Variants in ANKRD13B observed in about 807,000 individuals in gnomAD.
The protein encoded by ANKRD13B is ankyrin repeat domain 13B, also known as ankyrin repeat domain-containing protein 13B.
Under a neutral mutation model 74.4 loss-of-function variants are expected in ANKRD13B, and 33 were observed. The observed-to-expected ratio is 0.44, with a 90% CI of 0.34 to 0.59. ANKRD13B has a LOEUF of 0.59. ANKRD13B is among the 20% of genes least tolerant of loss of function. The probability of loss-of-function intolerance (pLI) is 0.02; values close to 1 mark genes in which losing one functional copy is unlikely to be tolerated. For missense variants in ANKRD13B, 676 were observed against 877.9 expected (o/e 0.77, Z 2.91); for synonymous variants, 341 against 362.9 (o/e 0.94, Z 0.68).
intron 1 of ANKRD13B, among the ~76,000 whole-genome samples, chr17:29,597,744 G>A (rs1291882746): frequency 6.6e-6 from 1 of 152,178 alleles, no homozygotes; most frequent in Non-Finnish European, 1.5e-5. Flanking sequence ...GGGGAGAGCT[G>A]CTCTGGAGCT....
At chr17:29,607,698 C>G in intron 1 of ANKRD13B, 44 bp from the exon 2 acceptor site, 12 of 1,567,732 alleles carry the variant, frequency 7.7e-6, no homozygotes, top group Non-Finnish European at 1.0e-5. Context: ...GGGCTGCCTC[C>G]GACGTGACTG....
At chr17:29,606,194 A>G (rs2150891328) in intron 1 of ANKRD13B, among the ~76,000 whole-genome samples, 2 of 150,514 alleles carry the variant, frequency 1.3e-5, no homozygotes, top group South Asian at 4.4e-4. Flanking sequence ...TACAGGCGTG[A>G]GCTACCGCGC....
intron 1 of ANKRD13B, among the ~76,000 whole-genome samples, chr17:29,605,699 GCTCAA>G (rs1372467242): frequency 6.6e-6 from 1 of 152,048 alleles, no homozygotes; most frequent in Non-Finnish European, 1.5e-5. Context: ...TAACTCCTGG[GCTCAA>G]GCAATCCGCC....
intron 1 of ANKRD13B, among the ~76,000 whole-genome samples, chr17:29,595,586 C>T (rs1031941049): frequency 2.0e-5 from 3 of 152,056 alleles, no homozygotes; most frequent in African/African-American, 4.8e-5. Flanking sequence ...GCACCGGAGC[C>T]GCTGCAGGTA....
Position 29,610,755 on chromosome 17 carries a change from G to A in ANKRD13B, c.893G>A (p.Gly298Asp). The part of the protein sequence containing the change: ...RTEHLSEQHK[G>D]KVKGCKTPLQ... ...GAACATCTTTCAGAACAGCACAAGGGCAAGGTCAAAGGTAATGAGGCAGAG... is the reference window on the plus strand; with the variant it reads ...GAACATCTTTCAGAACAGCACAAGGACAAGGTCAAAGGTAATGAGGCAGAG... The change falls in exon 8 of 15, where the codon GGC (glycine) becomes GAC (aspartate). Residue 298 changes from glycine (G) to aspartate (D), a missense_variant. Around this residue, in one of 4 missense-constraint regions of ANKRD13B, gnomAD observed 328 missense variants for 518.4 expected, o/e 0.63. Transcript: ENST00000394859. 1 of 1,613,916 alleles carries A rather than the reference G, an allele frequency of 6.2e-7. No individual in the cohort carries two copies. The highest frequency in any genetic ancestry group is 8.5e-7 in the Non-Finnish European group (1 of 1,179,888).
rs1418248446 is a variant in ANKRD13B at position 29,614,298 on chromosome 17, G to A, written c.*716G>A. The stretch of plus-strand genomic sequence containing the variant: ...CAACGTAGCCCCCTGGCCTGTGCAA[G>A]CCCTGACTCCCTCATGGTGCCTCGG... On this transcript the variant is annotated 3_prime_UTR_variant, in exon 15 of 15. Transcript: ENST00000394859. The A allele has an allele frequency of 6.7e-6, 1 of 149,478 alleles. No individual in the cohort carries two copies. Among genetic ancestry groups the A allele is most frequent in the Non-Finnish European group, 1.5e-5 (1 of 67,762 alleles). 9.3% of individuals were successfully genotyped at this position (149,478 alleles called of 1,614,324 possible).
chr17:29,609,234 C>T lies in ANKRD13B; in HGVS notation c.714C>T (p.Val238=), dbSNP rs35481781. ...TGCTGAGCCGGCTTACCGCGCCCGT[C>T]GTCACCACTCAGCTTGACACCAAGA... The part of the protein sequence containing the change: ...EQVLSRLTAP[V]VTTQLDTKNI... The change falls in exon 6 of 15, where the codon GTC becomes GTT. Residue 238 remains valine (V), a synonymous_variant. Coordinates refer to ENST00000394859, the MANE Select transcript of ANKRD13B (RefSeq NM_152345.5). This position sits in a 1 kb window ranked among gnomAD's most constrained non-coding sequence, Gnocchi z 4.0. 2,527 of 1,613,106 alleles carry T rather than the reference C, an allele frequency of 1.6e-3. 38 individuals carry two copies. In the African/African-American group the frequency reaches 0.029, roughly 18 times the overall value.
Position 29,612,402 on chromosome 17 carries a change from A to G in ANKRD13B, c.1259A>G (p.Glu420Gly). ...RLPPGFPVKI[E>G]IPIFHILNAR... ...CGCCTAAAGGTTTCCTCATCCTCAG[A>G]AATCCCGATCTTCCACATCCTCAAC... Residue 420 changes from glutamate to glycine, a missense_variant and splice_region_variant, in exon 12 of 15, where the codon GAA becomes GGA. Around this residue, in one of 4 missense-constraint regions of ANKRD13B, gnomAD observed 328 missense variants for 518.4 expected, o/e 0.63. Coordinates refer to ENST00000394859, the MANE Select transcript of ANKRD13B (RefSeq NM_152345.5). This position sits in a 1 kb window ranked among gnomAD's most constrained non-coding sequence, Gnocchi z 6.1. 1.2e-6 allele frequency: 2 copies of G among 1,612,762 alleles called. No homozygotes were observed. Among genetic ancestry groups the G allele is most frequent in the Non-Finnish European group, 1.7e-6 (2 of 1,179,476 alleles).
rs1467267984 is a variant in ANKRD13B at position 29,609,283 on chromosome 17, G to A, written c.755+8G>A. 2.5e-6 allele frequency: 4 copies of A among 1,612,898 alleles called. No individual in the cohort carries two copies. In the African/African-American group the frequency reaches 5.3e-5, roughly 22 times the overall value. ...GAATATCTCCTTTGAGAGGTGGGTGGACATGGCCTTGGTCACCCTTGAGCC... is the reference window on the plus strand; with the variant it reads ...GAATATCTCCTTTGAGAGGTGGGTGAACATGGCCTTGGTCACCCTTGAGCC... On this transcript the variant is annotated splice_region_variant and intron_variant, in intron 6 of 14. Coordinates refer to ENST00000394859, the MANE Select transcript of ANKRD13B (RefSeq NM_152345.5). This position sits in a 1 kb window ranked among gnomAD's most constrained non-coding sequence, Gnocchi z 4.0.
chr17:29,609,525 A>T lies in ANKRD13B; in HGVS notation c.822+104A>T. 1 of 1,371,668 alleles carries T rather than the reference A, an allele frequency of 7.3e-7. No homozygotes were observed. The highest frequency in any genetic ancestry group is 1.0e-6 in the Non-Finnish European group (1 of 991,490). 85.0% of individuals were successfully genotyped at this position (1,371,668 alleles called of 1,614,324 possible). A position where few individuals can be genotyped will look rare whatever the true frequency, so the allele number is the denominator to read the frequency against. Reference sequence around the variant, plus strand: ...TCCCCAGCCCTGGAGGTACAGAAGCAATGCAGCGTGGTCAAGCACTTATAT... The same window carrying T: ...TCCCCAGCCCTGGAGGTACAGAAGCTATGCAGCGTGGTCAAGCACTTATAT... On this transcript the variant is annotated intron_variant, in intron 7 of 14. Transcript: ENST00000394859. The surrounding 1 kb of genome is among the most constrained non-coding windows in gnomAD (Gnocchi z 4.0).
chr17:29,593,865 G>A, intron 1 of ANKRD13B, 130 bp downstream of exon 1: 1 of 475,428 alleles, frequency 2.1e-6, no homozygotes, highest in Non-Finnish European at 3.3e-6. Flanking sequence ...TGCGGCCGCG[G>A]CTTTTGTGCT....
chr17:29,602,342 C>A (rs1050362917), intron 1 of ANKRD13B, among the ~76,000 whole-genome samples: 1 of 147,954 alleles, frequency 6.8e-6, no homozygotes, highest in Non-Finnish European at 1.5e-5. Context: ...TTACAGTGAG[C>A]TGAGATCACG....
At chr17:29,600,942 T>A (rs1426069173) in intron 1 of ANKRD13B, among the ~76,000 whole-genome samples, 1 of 149,640 alleles carries the variant, frequency 6.7e-6, no homozygotes, top group Non-Finnish European at 1.5e-5. Flanking sequence ...TTTTTTTTTT[T>A]GAGACAGGGT....
In ANKRD13B at chr17:29,607,728, T is replaced by G. The variant is rs201911935; in HGVS notation, c.115-14T>G. Reference sequence around the variant, plus strand: ...TGACTGGGGCTTTATCTTCCACTCCTCCTCCTCCTCCAGGTGGACATCGAG... The same window carrying G: ...TGACTGGGGCTTTATCTTCCACTCCGCCTCCTCCTCCAGGTGGACATCGAG... On this transcript the variant is annotated splice_polypyrimidine_tract_variant and intron_variant, in intron 1 of 14. Transcript: ENST00000394859. 6.3e-7 allele frequency: 1 copy of G among 1,592,718 alleles called. No homozygotes were observed. Among genetic ancestry groups the G allele is most frequent in the Admixed American group, 1.7e-5 (1 of 59,518 alleles).
intron 1 of ANKRD13B, among the ~76,000 whole-genome samples, chr17:29,597,798 A>C (rs1191629566): frequency 6.6e-6 from 1 of 150,690 alleles, no homozygotes; most frequent in Non-Finnish European, 1.5e-5. Context: ...TGGGGTGCTG[A>C]GCCATCCAGG....
chr17:29,611,456 G>T lies in ANKRD13B; in HGVS notation c.905-123G>T. On this transcript the variant is annotated intron_variant, in intron 8 of 14. Coordinates refer to ENST00000394859, the MANE Select transcript of ANKRD13B (RefSeq NM_152345.5). The surrounding 1 kb of genome is among the most constrained non-coding windows in gnomAD (Gnocchi z 4.3). ...GGTGAAGGTGCCTGAGTATGTGGTT[G>T]GGTGAGCAGGCCCCACCCCAGGAAC... 1 of 942,380 alleles carries T rather than the reference G, an allele frequency of 1.1e-6. No homozygotes were observed. Among genetic ancestry groups the T allele is most frequent in the Non-Finnish European group, 1.7e-6 (1 of 594,792 alleles). The allele number at this position is 942,380 out of a possible 1,614,324, so 58.4% of individuals were successfully genotyped here.
At chr17:29,595,587 G>A (rs959956498) in intron 1 of ANKRD13B, among the ~76,000 whole-genome samples, 4 of 152,094 alleles carry the variant, frequency 2.6e-5, no homozygotes, top group South Asian at 2.1e-4. Flanking sequence ...CACCGGAGCC[G>A]CTGCAGGTAG....
chr17:29,603,054 T>C (rs2034239207), intron 1 of ANKRD13B, among the ~76,000 whole-genome samples: 1 of 152,166 alleles, frequency 6.6e-6, no homozygotes, highest in African/African-American at 2.4e-5. Flanking sequence ...TTTCACCATA[T>C]TGGCCAGGCT....
At chr17:29,593,946 A>G (rs1342849944) in intron 1 of ANKRD13B, 1 of 276,074 alleles carries the variant, frequency 3.6e-6, no homozygotes, top group Non-Finnish European at 6.7e-6. Context: ...ACTCACCTAG[A>G]TGAGAGTAGA....
Sources: allele counts gnomAD v4.1 joint callset (sites outside exome capture counted in the v4.1 genomes callset), GRCh38; gene constraint gnomAD v4.1.1; regional missense constraint gnomAD v4.1.1; non-coding constraint Gnocchi (gnomAD v3.1); transcripts MANE v1.5; gene names NCBI Gene and HGNC (gene_info 2026-07-23, HGNC 2026-07-21).